The following GRK1 variants were observed in gnomAD, a reference collection of about 807,000 sequenced individuals.
GRK1 encodes the protein rhodopsin kinase GRK1.
In GRK1, 28 loss-of-function variants were observed where a neutral mutation model predicts 41.7. That is an observed-to-expected ratio of 0.67 (90% CI 0.50 to 0.92). The LOEUF (loss-of-function observed/expected upper bound fraction) is 0.92, where lower values mean the gene tolerates loss of function less well. GRK1 is among the 40% of genes least tolerant of loss of function. The pLI is 0.00. For synonymous variants in GRK1, 327 were observed against 286.7 expected (o/e 1.14, Z -1.42); for missense variants, 703 against 671.2 (o/e 1.05, Z -0.52).
intron 3 of GRK1, among the ~76,000 whole-genome samples, chr13:113,672,750 A>T (rs2049865412): frequency 1.4e-5 from 1 of 73,592 alleles, no homozygotes; most frequent in East Asian, 5.0e-4. Flanking sequence ...TATTTACCTC[A>T]ACCTAATTGT....
chr13:113,725,002 C>G (rs574793189), intron 4 of GRK1, among the ~76,000 whole-genome samples: 1 of 152,366 alleles, frequency 6.6e-6, no homozygotes, highest in South Asian at 2.1e-4. Context: ...GGGCCCCAAG[C>G]CTTCGCCGGC....
At chr13:113,654,456 G>T in the GRK1 span, among the ~76,000 whole-genome samples, 1 of 152,230 alleles carries the variant, frequency 6.6e-6, no homozygotes, top group African/African-American at 2.4e-5. Context: ...AACATTCCGT[G>T]TGCATATCCA....
chr13:113,670,268 G>A (rs1052878672), intron 2 of GRK1, among the ~76,000 whole-genome samples: 3 of 152,164 alleles, frequency 2.0e-5, no homozygotes, highest in African/African-American at 7.2e-5. Flanking sequence ...AGGAGGTGGC[G>A]CTGCCTCCAC....
intron 1 of GRK1, among the ~76,000 whole-genome samples, chr13:113,668,339 G>T (rs1016259315): frequency 6.6e-6 from 1 of 152,214 alleles, no homozygotes; most frequent in Admixed American, 6.5e-5. Flanking sequence ...ACGTTCACTC[G>T]TCGGTTTTTC....
rs1372853008 is a variant in GRK1, at chr13:113,737,338, C to T, written c.*1975C>T. On this transcript the variant is annotated 3_prime_UTR_variant, in exon 7 of 7. Transcript: ENST00000335678. ...GCACGTCTTCCCATAGATCCCACAT[C>T]GGCCACACCCTGGGTGAGGAGCATG... 1.6e-5 allele frequency: 2 copies of T among 128,022 alleles called. No individual in the cohort carries two copies. The highest frequency in any genetic ancestry group is 7.6e-5 in the Admixed American group (1 of 13,076). The allele number at this position is 128,022 out of a possible 1,614,324, so 7.9% of individuals were successfully genotyped here.
chr13:113,728,657 G>A (rs529284863), intron 4 of GRK1, among the ~76,000 whole-genome samples: 2 of 152,316 alleles, frequency 1.3e-5, no homozygotes, highest in South Asian at 2.1e-4. Flanking sequence ...CCCCGGCTCC[G>A]TGGAACAGGC....
the GRK1 span, among the ~76,000 whole-genome samples, chr13:113,657,594 G>T: frequency 1.3e-5 from 2 of 152,230 alleles, no homozygotes; most frequent in African/African-American, 2.4e-5. Flanking sequence ...GCATCTGGAC[G>T]CCAGCGGGTG....
At chr13:113,649,248 C>T in the GRK1 span, 2 of 1,201,994 alleles carry the variant, frequency 1.7e-6, no homozygotes, top group Non-Finnish European at 2.3e-6. This position sits in a 1 kb window ranked among gnomAD's most constrained non-coding sequence, Gnocchi z 4.7. Flanking sequence ...CGCACACTGA[C>T]AACACCGTTG....
chr13:113,664,737 CTT>C (rs541225770), upstream of GRK1, among the ~76,000 whole-genome samples: 220 of 152,288 alleles, frequency 1.4e-3, no homozygotes, highest in African/African-American at 5.2e-3. The surrounding 1 kb of genome is among the most constrained non-coding windows in gnomAD (Gnocchi z 5.4). Context: ...GAAGCAGACT[CTT>C]TATTCCAGCA....
intron 6 of GRK1, 108 bp downstream of exon 6, chr13:113,733,193 A>G: frequency 9.0e-7 from 1 of 1,116,132 alleles, no homozygotes; most frequent in East Asian, 2.6e-5. Context: ...AGTGCCTCAG[A>G]CCCCCAAGGC....
intron 4 of GRK1, among the ~76,000 whole-genome samples, chr13:113,730,480 C>T (rs2049928942): frequency 1.3e-5 from 2 of 151,358 alleles, no homozygotes; most frequent in Admixed American, 1.3e-4. Flanking sequence ...GCACCCAGAG[C>T]CGTCCCTCCA....
rs1156595522 is a variant in GRK1, at chr13:113,672,268, TGGTGTGTGC to T, written c.985+621_985+629del. Among the ~76,000 whole-genome samples, 3 of 149,872 alleles carry T rather than the reference TGGTGTGTGC, an allele frequency of 2.0e-5. No individual in the cohort carries two copies. The East Asian group carries it at 6.0e-4, about 30-fold the overall frequency. On this transcript the variant is annotated intron_variant, in intron 3 of 6. Transcript: ENST00000335678. ...GTGCAGTGTGTGGTGTGTGATTGTG[TGGTGTGTGC>T]GGTGTGTGTAAGTCTGACTGGGGTG...
At position 113,737,271 on chromosome 13, in the gene GRK1, G is replaced by A. The variant is rs896058957; in HGVS notation, c.*1908G>A. On this transcript the variant is annotated 3_prime_UTR_variant, in exon 7 of 7. Coordinates refer to ENST00000335678, the MANE Select transcript of GRK1 (RefSeq NM_002929.3). ...CGGCCACACCCTGGGTGAGGAGCAC[G>A]TCTTCCCATAGGTCCCACGTCAGCC... is the stretch of plus-strand genomic sequence containing the variant. The A allele has an allele frequency of 2.6e-5, 4 of 153,844 alleles. No individual in the cohort carries two copies. Among genetic ancestry groups the A allele is most frequent in the East Asian group, 3.9e-4 (2 of 5,168 alleles). 9.5% of individuals were successfully genotyped at this position (153,844 alleles called of 1,614,324 possible).
the GRK1 span, among the ~76,000 whole-genome samples, chr13:113,657,726 T>C: frequency 1.3e-5 from 2 of 152,270 alleles, no homozygotes; most frequent in Non-Finnish European, 2.9e-5. Context: ...TGATTCACTT[T>C]AGAAACATAC....
chr13:113,725,094 C>T (rs1295211234), intron 4 of GRK1, among the ~76,000 whole-genome samples: 3 of 152,266 alleles, frequency 2.0e-5, no homozygotes, highest in Non-Finnish European at 4.4e-5. Flanking sequence ...GAGATGCTGC[C>T]GTCAGGGTGC....
intron 6 of GRK1, among the ~76,000 whole-genome samples, chr13:113,733,660 T>C (rs539076883): frequency 0.4 from 40,076 of 99,604 alleles, 6,592 homozygotes; most frequent in Middle Eastern, 0.51. Flanking sequence ...TACGTGTGTG[T>C]GCGTGTGTGC....
chr13:113,733,970 G>GCA lies in GRK1; in HGVS notation c.1396+885_1396+886insCA, dbSNP rs1566700521. Among the ~76,000 whole-genome samples, 20 of 112,750 alleles carry GCA rather than the reference G, an allele frequency of 1.8e-4. 1 individual carries two copies. The highest frequency in any genetic ancestry group is 6.4e-4 in the African/African-American group (18 of 28,130). 74.0% of individuals were successfully genotyped at this position (112,750 alleles called of 152,430 possible). A position where few individuals can be genotyped will look rare whatever the true frequency, so the allele number is the denominator to read the frequency against. ...CGTGTGTGTGCATACGTGTGTGTGCGTGTGTGCGCATGTGTGTGCATACAT... is the reference window on the plus strand; with the variant it reads ...CGTGTGTGTGCATACGTGTGTGTGCGCATGTGTGCGCATGTGTGTGCATACAT... On this transcript the variant is annotated intron_variant, in intron 6 of 6. Transcript: ENST00000335678.
chr13:113,665,125 G>A (rs1320341772), upstream of GRK1, among the ~76,000 whole-genome samples: 1 of 152,198 alleles, frequency 6.6e-6, no homozygotes, highest in Non-Finnish European at 1.5e-5. Context: ...AATGGGGTGG[G>A]CTGACAGTCT....
chr13:113,663,847 A>G (rs1013230398), upstream of GRK1, among the ~76,000 whole-genome samples: 1 of 152,196 alleles, frequency 6.6e-6, no homozygotes. Flanking sequence ...CGCTGGTGGG[A>G]ATGTAAAATG....
Sources: gnomAD v4.1 joint callset for allele counts (sites outside exome capture counted in the v4.1 genomes callset) on GRCh38, gnomAD v4.1.1 for gene constraint, Gnocchi (gnomAD v3.1) non-coding constraint, MANE v1.5 for transcripts, NCBI Gene and HGNC (gene_info 2026-07-23, HGNC 2026-07-21) for gene names.